Variants in MLC1 observed in about 807,000 individuals in gnomAD.
The protein encoded by MLC1 is modulator of VRAC current 1.
Under a neutral mutation model 44.7 loss-of-function variants are expected in MLC1, and 32 were observed. That is an observed-to-expected ratio of 0.72 (90% CI 0.54 to 0.96). MLC1 has a LOEUF of 0.96. Ranked by LOEUF, MLC1 falls within the 40% of genes least tolerant of loss-of-function variation. The probability of loss-of-function intolerance (pLI) is 0.00; values close to 1 mark genes in which losing one functional copy is unlikely to be tolerated. For missense variants in MLC1, 459 were observed against 492.2 expected, an observed-to-expected ratio of 0.93 and a Z score of 0.64; for synonymous variants, 190 against 213.0, an observed-to-expected ratio of 0.89 and a Z score of 0.94.
chr22:50,062,282 C>A (rs1156435129), intron 11 of MLC1, among the ~76,000 whole-genome samples: 19 of 139,286 alleles, frequency 1.4e-4, no homozygotes, highest in African/African-American at 3.7e-4. Flanking sequence ...CCTTGAGCCC[C>A]AGCCGTCCAT....
At chr22:50,077,275 G>A (rs2062007128) in intron 6 of MLC1, 126 bp downstream of exon 6, 1 of 862,062 alleles carries the variant, frequency 1.2e-6, no homozygotes, top group Non-Finnish European at 1.9e-6. Flanking sequence ...AGGAGAGAGG[G>A]GTCTCATGGG....
chr22:50,067,427 C>CA, intron 10 of MLC1, among the ~76,000 whole-genome samples: 1 of 135,464 alleles, frequency 7.4e-6, no homozygotes, highest in Non-Finnish European at 1.6e-5. Flanking sequence ...TGACTCTATC[C>CA]CCTGTCAGGC....
chr22:50,063,424 G>A (rs1396969338), intron 11 of MLC1, among the ~76,000 whole-genome samples: 1 of 145,004 alleles, frequency 6.9e-6, no homozygotes, highest in African/African-American at 2.6e-5. Context: ...GGTGAGCCGT[G>A]ATCGCGCCAC....
intron 3 of MLC1, among the ~76,000 whole-genome samples, chr22:50,081,029 G>GAAAGAAAGAAAGAAAGAAAGAA (rs1555968033): frequency 1.4e-4 from 20 of 146,074 alleles, no homozygotes; most frequent in South Asian, 1.3e-3. Flanking sequence ...AAGAAAGAAA[G>GAAAGAAAGAAAGAAAGAAAGAA]AAAGAAAGAA....
In MLC1 at chr22:50,060,611, C is replaced by G. The variant is rs1016339634; in HGVS notation, c.*972G>C. ...CACAGGAGGGAGGGGCTCAGCTTCCCCCGGTCACTGGGGCCAGGGAGACGT... is the reference window on the plus strand; with the variant it reads ...CACAGGAGGGAGGGGCTCAGCTTCCGCCGGTCACTGGGGCCAGGGAGACGT... On this transcript the variant is annotated 3_prime_UTR_variant, in exon 12 of 12. Transcript: ENST00000311597. 4.4e-4 allele frequency: 67 copies of G among 152,796 alleles called. 1 individual carries two copies. Among genetic ancestry groups the G allele is most frequent in the Non-Finnish European group, 7.3e-5 (5 of 68,402 alleles). 9.5% of individuals were successfully genotyped at this position (152,796 alleles called of 1,614,324 possible).
At position 50,083,937 on chromosome 22, in the gene MLC1, G is replaced by A. The variant is rs1031287924; in HGVS notation, c.178-764C>T. Among the ~76,000 whole-genome samples, 1 of 152,086 alleles carries A rather than the reference G, an allele frequency of 6.6e-6. No homozygotes were observed. Among genetic ancestry groups the A allele is most frequent in the African/African-American group, 2.4e-5 (1 of 41,418 alleles). ...CCACCACCACCCGGGAGCCGCCTCT[G>A]TCCCCAGCTCCGAGGCAGACGCCTG... On this transcript the variant is annotated intron_variant, in intron 2 of 11. Coordinates refer to ENST00000311597, the MANE Select transcript of MLC1 (RefSeq NM_015166.4). This position sits in a 1 kb window ranked among gnomAD's most constrained non-coding sequence, Gnocchi z 4.6.
chr22:50,073,689 T>A (rs545770981), intron 8 of MLC1, among the ~76,000 whole-genome samples: 2 of 152,200 alleles, frequency 1.3e-5, no homozygotes, highest in Admixed American at 1.3e-4. Context: ...TGAGGTGATA[T>A]TGAGCCACTG....
chr22:50,070,670 C>T (rs2061829470), intron 8 of MLC1, 87 bp from the exon 9 acceptor site: 1 of 1,383,716 alleles, frequency 7.2e-7, no homozygotes, highest in East Asian at 2.5e-5. Context: ...AGTGACCCCT[C>T]CATGCAGGCT....
chr22:50,066,781 C>T (rs2061711541), intron 10 of MLC1, among the ~76,000 whole-genome samples: 1 of 152,040 alleles, frequency 6.6e-6, no homozygotes, highest in Non-Finnish European at 1.5e-5. Flanking sequence ...GGCATGAGAC[C>T]ACAGCTTTTC....
At chr22:50,073,606 G>A (rs553167679) in intron 8 of MLC1, among the ~76,000 whole-genome samples, 7 of 152,234 alleles carry the variant, frequency 4.6e-5, no homozygotes, top group East Asian at 1.9e-4. Context: ...GGTGGTCCAC[G>A]CCTGTAATCC....
chr22:50,076,318 G>A (rs933965477), intron 7 of MLC1, among the ~76,000 whole-genome samples: 3 of 152,266 alleles, frequency 2.0e-5, no homozygotes, highest in African/African-American at 7.2e-5. Flanking sequence ...ACTTTGGAAG[G>A]CCTGGGTGGG....
rs2061539159 is a variant in MLC1, at chr22:50,060,445, TGGA to T, written c.*1135_*1137del. On this transcript the variant is annotated 3_prime_UTR_variant, in exon 12 of 12. Transcript: ENST00000311597. ...CCCTAAGACCCCAAAACAGCGGAGA[TGGA>T]GAAGACCGCTGCCCTGGGGCCTTCT... 6.6e-6 allele frequency: 1 copy of T among 152,386 alleles called. No individual in the cohort carries two copies. The highest frequency in any genetic ancestry group is 1.5e-5 in the Non-Finnish European group (1 of 68,118). 9.4% of individuals were successfully genotyped at this position (152,386 alleles called of 1,614,324 possible).
At chr22:50,081,698 C>G (rs897477375) in intron 3 of MLC1, among the ~76,000 whole-genome samples, 2 of 152,248 alleles carry the variant, frequency 1.3e-5, no homozygotes, top group African/African-American at 4.8e-5. Flanking sequence ...GGGGCCTGAG[C>G]GAGGGGCAGA....
At chr22:50,085,047 A>G (rs967747305) in intron 1 of MLC1, 86 bp from the exon 2 acceptor site, 22 of 1,499,682 alleles carry the variant, frequency 1.5e-5, no homozygotes, top group East Asian at 2.5e-5. Flanking sequence ...CAAAAGAAAT[A>G]TTGTTCATAC....
At chr22:50,068,298 G>A (rs1454437428) in intron 10 of MLC1, 135 bp downstream of exon 10, 8 of 1,326,180 alleles carry the variant, frequency 6.0e-6, no homozygotes, top group African/African-American at 1.5e-5. Context: ...CGCTGCCCAG[G>A]AACAGCGGAG....
At chr22:50,066,962 C>T (rs1428534111) in intron 10 of MLC1, among the ~76,000 whole-genome samples, 6 of 152,102 alleles carry the variant, frequency 3.9e-5, no homozygotes, top group Admixed American at 2.0e-4. Flanking sequence ...AGAAAGGGGC[C>T]GACTTCGATG....
rs190335186 is a variant in MLC1, at chr22:50,067,246, G to A, written c.894+1187C>T. On this transcript the variant is annotated intron_variant, in intron 10 of 11. Transcript: ENST00000311597. Reference sequence around the variant, plus strand: ...ACTCCTGTAATCCCAGCACCTGTGGGAGGCCGAGGACGCTATCCCCCTTCA... The same window carrying A: ...ACTCCTGTAATCCCAGCACCTGTGGAAGGCCGAGGACGCTATCCCCCTTCA... Among the ~76,000 whole-genome samples, 546 of 152,142 alleles carry A rather than the reference G, an allele frequency of 3.6e-3. 2 individuals are homozygous for A. Among genetic ancestry groups the A allele is most frequent in the Non-Finnish European group, 4.6e-3 (316 of 67,972 alleles).
chr22:50,081,029 G>GAAAGAAAGAAAGAA (rs1043107466), intron 3 of MLC1, among the ~76,000 whole-genome samples: 5 of 145,956 alleles, frequency 3.4e-5, no homozygotes, highest in Admixed American at 6.7e-5. Flanking sequence ...AAGAAAGAAA[G>GAAAGAAAGAAAGAA]AAAGAAAGAA....
intron 3 of MLC1, among the ~76,000 whole-genome samples, chr22:50,081,059 G>GAAAGAAAGAAAGAAAGAAAGAT (rs1484447304): frequency 5.2e-5 from 1 of 19,176 alleles, no homozygotes; most frequent in Non-Finnish European, 1.5e-4. Context: ...GAAAGAAAGA[G>GAAAGAAAGAAAGAAAGAAAGAT]GAGGTCTGGT....
Sources: allele counts gnomAD v4.1 joint callset (sites outside exome capture counted in the v4.1 genomes callset), GRCh38; gene constraint gnomAD v4.1.1; non-coding constraint Gnocchi (gnomAD v3.1); transcripts MANE v1.5; gene names NCBI Gene and HGNC (gene_info 2026-07-23, HGNC 2026-07-21).